Variants in RARB observed in about 807,000 individuals in gnomAD.
RARB encodes retinoic acid receptor beta, also known as HBV-activated protein.
RARB carries 17 observed loss-of-function variants against 51.9 expected under a neutral mutation model. The ratio of observed to expected loss-of-function variants is 0.33; its 90% CI spans 0.22 to 0.49. The LOEUF (loss-of-function observed/expected upper bound fraction) is 0.49, where lower values mean the gene tolerates loss of function less well. RARB is among the 20% of genes least tolerant of loss of function. The pLI, the probability that RARB is intolerant of heterozygous loss-of-function variation, is 0.99. For synonymous variants in RARB, 215 were observed against 195.4 expected, an observed-to-expected ratio of 1.10 and a Z score of -0.84; for missense variants, 369 against 550.8, an observed-to-expected ratio of 0.67 and a Z score of 3.30.
intron 2 of RARB, among the ~76,000 whole-genome samples, chr3:24,990,531 T>A (rs1167903603): frequency 9.2e-6 from 1 of 108,590 alleles, no homozygotes; most frequent in East Asian, 3.0e-4. Flanking sequence ...GATTATTAAA[T>A]ATAATGTGAG....
At chr3:25,461,766 G>A (rs1695198651) in intron 2 of RARB, among the ~76,000 whole-genome samples, 1 of 152,090 alleles carries the variant, frequency 6.6e-6, no homozygotes, top group Non-Finnish European at 1.5e-5. Flanking sequence ...TGAGTGGCTG[G>A]TACATCTAGT....
intron 3 of RARB, among the ~76,000 whole-genome samples, chr3:25,070,764 C>G (rs1468543279): frequency 1.3e-5 from 2 of 152,272 alleles, no homozygotes; most frequent in African/African-American, 4.8e-5. Context: ...AAGGTATGTT[C>G]AGGTATTTTA....
intron 5 of RARB, among the ~76,000 whole-genome samples, chr3:25,419,646 A>C (rs1471587309): frequency 6.6e-6 from 1 of 152,184 alleles, no homozygotes; most frequent in Non-Finnish European, 1.5e-5. Context: ...AATGCACCTG[A>C]ATAGACCCCC....
intron 5 of RARB, among the ~76,000 whole-genome samples, chr3:25,306,111 GA>G (rs929701522): frequency 1.3e-5 from 2 of 151,852 alleles, no homozygotes; most frequent in Non-Finnish European, 2.9e-5. Context: ...AACACAGGGG[GA>G]AAAAAGACCC....
intron 5 of RARB, among the ~76,000 whole-genome samples, chr3:25,388,361 A>G (rs1706854421): frequency 6.6e-6 from 1 of 152,202 alleles, no homozygotes; most frequent in South Asian, 2.1e-4. Flanking sequence ...TAAGACTATT[A>G]TAGTCATAGT....
At chr3:25,123,955 CTG>C (rs1476870136) in intron 3 of RARB, among the ~76,000 whole-genome samples, 1 of 152,138 alleles carries the variant, frequency 6.6e-6, no homozygotes, top group African/African-American at 2.4e-5. Context: ...CTGAACCAGT[CTG>C]TGTCAAAGAT....
intron 1 of RARB, chr3:25,458,398 G>A (rs573555294): frequency 6.6e-6 from 1 of 152,310 alleles, no homozygotes; most frequent in South Asian, 2.1e-4. Flanking sequence ...TTGTGGGTGA[G>A]TGATTCTGTG....
intron 5 of RARB, among the ~76,000 whole-genome samples, chr3:25,215,623 G>C (rs1701816546): frequency 6.6e-6 from 1 of 152,162 alleles, no homozygotes; most frequent in Non-Finnish European, 1.5e-5. Flanking sequence ...ACCAGAAACA[G>C]CATGTTGGAG....
chr3:24,916,445 A>G (rs768326999), intron 2 of RARB, among the ~76,000 whole-genome samples: 7 of 152,076 alleles, frequency 4.6e-5, no homozygotes, highest in Non-Finnish European at 7.4e-5. Context: ...GCTTCTAAGG[A>G]GAAGGTCCTG....
chr3:25,228,440 C>G (rs1485074900), intron 5 of RARB, among the ~76,000 whole-genome samples: 1 of 151,916 alleles, frequency 6.6e-6, no homozygotes, highest in Non-Finnish European at 1.5e-5. Flanking sequence ...AATTTTATGG[C>G]TTTATCTTCT....
At chr3:24,977,429 T>A (rs977402525) in intron 2 of RARB, among the ~76,000 whole-genome samples, 1 of 152,206 alleles carries the variant, frequency 6.6e-6, no homozygotes, top group Non-Finnish European at 1.5e-5. Context: ...TGTCCTCTTT[T>A]ATTTCGTTGA....
At chr3:25,146,842 T>C (rs1363856836) in intron 4 of RARB, among the ~76,000 whole-genome samples, 1 of 152,164 alleles carries the variant, frequency 6.6e-6, no homozygotes, top group Non-Finnish European at 1.5e-5. Context: ...GAATTCATTC[T>C]TTTGGCGCTT....
chr3:25,259,391 A>C (rs1702943585), intron 5 of RARB, among the ~76,000 whole-genome samples: 1 of 152,134 alleles, frequency 6.6e-6, no homozygotes, highest in Non-Finnish European at 1.5e-5. Context: ...AAATGTAAGA[A>C]AAATATTTAT....
chr3:25,348,004 C>T (rs748006974), intron 5 of RARB, among the ~76,000 whole-genome samples: 4 of 152,190 alleles, frequency 2.6e-5, no homozygotes, highest in Admixed American at 6.5e-5. Context: ...TTCCCAGAAT[C>T]ATTGCAAACG....
intron 5 of RARB, among the ~76,000 whole-genome samples, chr3:25,314,608 C>A (rs1704371964): frequency 6.6e-6 from 1 of 152,168 alleles, no homozygotes; most frequent in Non-Finnish European, 1.5e-5. Context: ...ACCAAGACAT[C>A]AACAAAAACC....
At chr3:25,438,662 T>C (rs1708534899) in intron 1 of RARB, among the ~76,000 whole-genome samples, 1 of 152,092 alleles carries the variant, frequency 6.6e-6, no homozygotes, top group Admixed American at 6.6e-5. Context: ...ATGAAAGGCT[T>C]TTCTCTAGGC....
intron 5 of RARB, among the ~76,000 whole-genome samples, chr3:25,192,667 G>T (rs889871218): frequency 3.3e-5 from 5 of 151,984 alleles, no homozygotes; most frequent in African/African-American, 1.2e-4. Flanking sequence ...GGCAATTAAT[G>T]AGTGGCACAA....
intron 5 of RARB, among the ~76,000 whole-genome samples, chr3:25,312,028 T>C (rs1704302326): frequency 6.6e-6 from 1 of 152,236 alleles, no homozygotes; most frequent in South Asian, 2.1e-4. Context: ...AATAAATGCT[T>C]ATGTTCAAAA....
At chr3:25,397,678 T>C (rs548952953) in intron 5 of RARB, among the ~76,000 whole-genome samples, 3 of 152,238 alleles carry the variant, frequency 2.0e-5, no homozygotes, top group African/African-American at 7.2e-5. Context: ...GTTCCAAGCA[T>C]ACATATATTT....
Sources: allele counts gnomAD v4.1 joint callset (sites outside exome capture counted in the v4.1 genomes callset), GRCh38; gene constraint gnomAD v4.1.1; transcripts MANE v1.5; gene names NCBI Gene and HGNC (gene_info 2026-07-23, HGNC 2026-07-21).